TENM3: variants seen among roughly 807,000 people sequenced by gnomAD.
The protein encoded by TENM3 is teneurin-3.
Under a neutral mutation model 255.1 loss-of-function variants are expected in TENM3, and 63 were observed. The observed-to-expected ratio is 0.25, with a 90% confidence interval of 0.20 to 0.30. TENM3 has a LOEUF of 0.30. Among genes scored for constraint, TENM3 ranks in the 10% least tolerant of loss-of-function variants. The pLI, the probability that TENM3 is intolerant of heterozygous loss-of-function variation, is 1.00. For missense variants in TENM3, 2,929 were observed against 3,461.1 expected, an observed-to-expected ratio of 0.85 and a Z score of 3.86; for synonymous variants, 1,306 against 1,322.3, an observed-to-expected ratio of 0.99 and a Z score of 0.27.
chr4:182,065,368 T>C, the TENM3 span, among the ~76,000 whole-genome samples: 1 of 152,278 alleles, frequency 6.6e-6, no homozygotes, highest in African/African-American at 2.4e-5. Context: ...AGAGGTTTAA[T>C]TGGATCACCG....
chr4:182,371,804 T>A (rs956224246), intron 3 of TENM3, among the ~76,000 whole-genome samples: 2 of 152,116 alleles, frequency 1.3e-5, no homozygotes, highest in Non-Finnish European at 2.9e-5. Context: ...ACATGTTTCT[T>A]TCAACTTGCA....
chr4:182,202,908 A>G (rs1220083166), intron 1 of TENM3, among the ~76,000 whole-genome samples: 1 of 152,106 alleles, frequency 6.6e-6, no homozygotes, highest in East Asian at 1.9e-4. Flanking sequence ...CCTGGGAGAC[A>G]ATGTGTCATT....
chr4:182,398,798 A>G (rs1026887113), intron 3 of TENM3, among the ~76,000 whole-genome samples: 15 of 152,216 alleles, frequency 9.9e-5, no homozygotes, highest in Non-Finnish European at 2.1e-4. Flanking sequence ...ATAGCACCAG[A>G]AAACATTTGG....
chr4:181,976,782 A>G, the TENM3 span, among the ~76,000 whole-genome samples: 1 of 152,218 alleles, frequency 6.6e-6, no homozygotes, highest in Non-Finnish European at 1.5e-5. Flanking sequence ...AATGAATAGT[A>G]TTTAAATTCA....
At chr4:181,776,584 G>A in the TENM3 span, among the ~76,000 whole-genome samples, 136 of 152,020 alleles carry the variant, frequency 8.9e-4, no homozygotes, top group Non-Finnish European at 1.6e-3. Context: ...GCCAGCATCT[G>A]TTATTTTTGT....
At chr4:181,987,903 A>T in the TENM3 span, among the ~76,000 whole-genome samples, 1 of 152,094 alleles carries the variant, frequency 6.6e-6, no homozygotes, top group Non-Finnish European at 1.5e-5. Context: ...AGGGACAGAG[A>T]TGACATCGTT....
rs755000701 is a variant in TENM3, at chr4:182,799,938, C to T, written c.7687C>T (p.Arg2563Trp). 1.4e-5 allele frequency: 23 copies of T among 1,597,470 alleles called. No individual in the cohort carries two copies. The highest frequency in any genetic ancestry group is 3.4e-5 in the South Asian group (3 of 88,330). Residue 2563 changes from arginine to tryptophan, a missense_variant, in exon 28 of 28, where the codon CGG (arginine) becomes TGG (tryptophan). Transcript: ENST00000511685. The surrounding 1 kb of genome is among the most constrained non-coding windows in gnomAD (Gnocchi z 4.2). ...TTPESDLGTL[R>W]LTSGRKALEN... ...GCCCGAGAGCGACCTGGGCACGCTG[C>T]GGTTGACCAGCGGCCGCAAGGCGCT...
chr4:181,685,074 T>TTTTTG, the TENM3 span, among the ~76,000 whole-genome samples: 1 of 151,958 alleles, frequency 6.6e-6, no homozygotes, highest in Non-Finnish European at 1.5e-5. Flanking sequence ...AATGCTTGTT[T>TTTTTG]TTTTGTTTTG....
the TENM3 span, among the ~76,000 whole-genome samples, chr4:181,882,751 G>A: frequency 5.3e-5 from 8 of 152,066 alleles, no homozygotes; most frequent in African/African-American, 1.4e-4. Context: ...TAATAATTCC[G>A]CAGTCCACTC....
At chr4:182,548,431 A>C (rs764803659) in intron 3 of TENM3, among the ~76,000 whole-genome samples, 15 of 152,108 alleles carry the variant, frequency 9.9e-5, no homozygotes, top group Non-Finnish European at 1.9e-4. Flanking sequence ...CTTAACTCCA[A>C]CACAGATCAC....
At chr4:181,959,174 A>G in the TENM3 span, among the ~76,000 whole-genome samples, 3 of 152,264 alleles carry the variant, frequency 2.0e-5, no homozygotes, top group African/African-American at 7.2e-5. Flanking sequence ...CTCAAATGCC[A>G]TTTCCTCTAG....
chr4:182,736,360 CA>C (rs1761164309), intron 16 of TENM3, among the ~76,000 whole-genome samples: 2 of 152,216 alleles, frequency 1.3e-5, no homozygotes, highest in Non-Finnish European at 2.9e-5. Flanking sequence ...AACCATCTTA[CA>C]AATGTCTGCT....
At chr4:182,718,755 A>G (rs1283861370) in intron 13 of TENM3, among the ~76,000 whole-genome samples, 2 of 152,190 alleles carry the variant, frequency 1.3e-5, no homozygotes, top group Non-Finnish European at 2.9e-5. Context: ...TTAGCAAGGC[A>G]GCTATCTAAT....
At chr4:181,467,123 ATATTTTTTTTTTT>A in the TENM3 span, among the ~76,000 whole-genome samples, 1 of 17,976 alleles carries the variant, frequency 5.6e-5, no homozygotes, top group Admixed American at 5.2e-4. Flanking sequence ...ATATATATAT[ATATTTTTTTTTTT>A]TTTTTTTTTT....
intron 3 of TENM3, among the ~76,000 whole-genome samples, chr4:182,442,849 C>CACACACACATATATAT (rs1772612982): frequency 1.3e-5 from 1 of 79,374 alleles, no homozygotes; most frequent in Non-Finnish European, 2.5e-5. Flanking sequence ...TACATATATA[C>CACACACACATATATAT]ACACACACAC....
the TENM3 span, among the ~76,000 whole-genome samples, chr4:181,996,861 G>A: frequency 3.3e-5 from 5 of 152,168 alleles, no homozygotes; most frequent in Non-Finnish European, 7.3e-5. Context: ...GATTGACTGA[G>A]AAAGGAGACT....
chr4:181,807,893 A>T, the TENM3 span, among the ~76,000 whole-genome samples: 2 of 152,210 alleles, frequency 1.3e-5, no homozygotes, highest in Non-Finnish European at 2.9e-5. Flanking sequence ...GGAGAACTAT[A>T]TCCCATAATC....
chr4:182,642,204 G>A (rs1470517645), intron 5 of TENM3, among the ~76,000 whole-genome samples: 1 of 152,194 alleles, frequency 6.6e-6, no homozygotes, highest in African/African-American at 2.4e-5. Context: ...TACATTGGAG[G>A]ATGAATCCTT....
chr4:182,500,997 T>G (rs1003849424), intron 3 of TENM3, among the ~76,000 whole-genome samples: 2 of 152,146 alleles, frequency 1.3e-5, no homozygotes, highest in African/African-American at 4.8e-5. Context: ...TTTCCTTTAT[T>G]TCTTTATTTA....
Sources: allele counts gnomAD v4.1 joint callset (sites outside exome capture counted in the v4.1 genomes callset), GRCh38; gene constraint gnomAD v4.1.1; non-coding constraint Gnocchi (gnomAD v3.1); transcripts MANE v1.5; gene names NCBI Gene and HGNC (gene_info 2026-07-23, HGNC 2026-07-21).